Variants in IFT140 observed in about 807,000 individuals in gnomAD.
The protein encoded by IFT140 is intraflagellar transport 140, also known as intraflagellar transport protein 140 homolog.
Under a neutral mutation model 164.6 loss-of-function variants are expected in IFT140, and 133 were observed. The ratio of observed to expected loss-of-function variants is 0.81; its 90% CI spans 0.70 to 0.93. IFT140 has a LOEUF of 0.93. Among genes scored for constraint, IFT140 ranks in the 40% least tolerant of loss-of-function variants. The probability of loss-of-function intolerance (pLI) is 0.00; values close to 1 mark genes in which losing one functional copy is unlikely to be tolerated. For missense variants in IFT140, 2,045 were observed against 1,972.3 expected, an observed-to-expected ratio of 1.04 and a Z score of -0.70; for synonymous variants, 860 against 817.3, an observed-to-expected ratio of 1.05 and a Z score of -0.89.
intron 30 of IFT140, among the ~76,000 whole-genome samples, chr16:1,517,265 G>A (rs565069615): frequency 2.0e-5 from 3 of 151,992 alleles, no homozygotes; most frequent in East Asian, 3.9e-4. Flanking sequence ...CAGGAGAATG[G>A]CGTGAACCCA....
At chr16:1,529,580 G>T (rs560158762) in intron 19 of IFT140, among the ~76,000 whole-genome samples, 1 of 152,220 alleles carries the variant, frequency 6.6e-6, no homozygotes, top group Non-Finnish European at 1.5e-5. Context: ...CACAGGGAGA[G>T]GCCTGAGCAC....
chr16:1,546,052 C>A lies in IFT140; in HGVS notation c.2399+11883G>T, dbSNP rs905066899. Among the ~76,000 whole-genome samples, 4 of 152,252 alleles carry A rather than the reference C, an allele frequency of 2.6e-5. No individual in the cohort carries two copies. In the South Asian group the frequency reaches 8.3e-4, roughly 32 times the overall value. ...AGCTTCTCCCCTCTCCTCCTCGTGG[C>A]CTCTTTTCTCTGCACTGCACCTCTG... On this transcript the variant is annotated intron_variant, in intron 19 of 30. Transcript: ENST00000426508.
chr16:1,519,414 T>C (rs2040454143), intron 29 of IFT140, among the ~76,000 whole-genome samples: 1 of 152,174 alleles, frequency 6.6e-6, no homozygotes, highest in Non-Finnish European at 1.5e-5. Context: ...TGGCCTCTCC[T>C]GAAAACCGAG....
At chr16:1,606,513 C>T (rs530403524) in intron 3 of IFT140, among the ~76,000 whole-genome samples, 5 of 152,266 alleles carry the variant, frequency 3.3e-5, no homozygotes, top group South Asian at 2.1e-4. Flanking sequence ...CAGGCTGGAG[C>T]GCAATGGCGT....
intron 4 of IFT140, among the ~76,000 whole-genome samples, chr16:1,594,660 C>T (rs2035358946): frequency 6.6e-6 from 1 of 152,250 alleles, no homozygotes; most frequent in African/African-American, 2.4e-5. Flanking sequence ...ACAGTCGCAA[C>T]TGCGCGGCAC....
In IFT140 at chr16:1,553,568, G is replaced by C; in HGVS notation, c.2399+4367C>G. On this transcript the variant is annotated intron_variant, in intron 19 of 30. Coordinates refer to ENST00000426508, the MANE Select transcript of IFT140 (RefSeq NM_014714.4). The surrounding 1 kb of genome is among the most constrained non-coding windows in gnomAD (Gnocchi z 4.4). ...AAGAGGGGCTGGAGAGTTTAATCTG[G>C]ACCAGTGTAAGTTACAGAGAGTCTC... The C allele has an allele frequency of 9.9e-7, 1 of 1,011,432 alleles. No individual in the cohort carries two copies. Among genetic ancestry groups the C allele is most frequent in the Non-Finnish European group, 1.2e-6 (1 of 844,498 alleles). 62.7% of individuals were successfully genotyped at this position (1,011,432 alleles called of 1,614,324 possible).
In IFT140 at chr16:1,526,072, G is replaced by C. The variant is rs576060920; in HGVS notation, c.2583C>G (p.Asp861Glu). ...VLATQLGMLE[D>E]AEQLYRKCKR... Reference sequence around the variant, plus strand: ...TGCACTTCCTGTACAGCTGCTCGGCGTCCTCCTGAGGAATGAGGATGGGCA... The same window carrying C: ...TGCACTTCCTGTACAGCTGCTCGGCCTCCTCCTGAGGAATGAGGATGGGCA... The change falls in exon 21 of 31, where the codon GAC becomes GAG. Residue 861 changes from aspartate to glutamate, a missense_variant. Asp to Glu is a conservative substitution (Grantham distance 45). Coordinates refer to ENST00000426508, the MANE Select transcript of IFT140 (RefSeq NM_014714.4). The C allele has an allele frequency of 6.3e-7, 1 of 1,583,754 alleles. No individual in the cohort carries two copies. Among genetic ancestry groups the C allele is most frequent in the Admixed American group, 1.8e-5 (1 of 55,802 alleles).
In IFT140 at chr16:1,590,200, C is replaced by CAA. The variant is rs559750583; in HGVS notation, c.635-422_635-421dup. On this transcript the variant is annotated intron_variant, in intron 6 of 30. Coordinates refer to ENST00000426508, the MANE Select transcript of IFT140 (RefSeq NM_014714.4). ...TAGGCGACAGAGCAAGACTCTGTCT[C>CAA]AAAAAAAAAAAAAAAAAAAAAATTA... 5.5e-3 allele frequency among the ~76,000 whole-genome samples: 427 copies of CAA among 77,840 alleles called. 4 individuals carry two copies. In the East Asian group the frequency reaches 0.055, roughly 10 times the overall value. 51.1% of individuals were successfully genotyped at this position (77,840 alleles called of 152,430 possible). A position where few individuals can be genotyped will look rare whatever the true frequency, so the allele number is the denominator to read the frequency against.
At chr16:1,611,450 G>A (rs1285820022) in intron 1 of IFT140, among the ~76,000 whole-genome samples, 3 of 148,958 alleles carry the variant, frequency 2.0e-5, no homozygotes, top group Non-Finnish European at 4.4e-5. Context: ...AGCGAGCCGA[G>A]ATCGGGCCAC....
rs1430693229 is a variant in IFT140, at chr16:1,554,972, G to A, written c.2399+2963C>T. The A allele has an allele frequency of 5.0e-6, 8 of 1,613,910 alleles. No individual in the cohort carries two copies. In the South Asian group the frequency reaches 8.8e-5, roughly 18 times the overall value. ...GGGTGATTGTCATCAGCCGCTCCCT[G>A]ACAGCGCGCTTTCGCCGTGGGCTGG... On this transcript the variant is annotated intron_variant, in intron 19 of 30. Transcript: ENST00000426508.
intron 19 of IFT140, among the ~76,000 whole-genome samples, chr16:1,536,519 G>C (rs1485782095): frequency 6.6e-6 from 1 of 152,204 alleles, no homozygotes; most frequent in Non-Finnish European, 1.5e-5. Flanking sequence ...GAGCAGCGAA[G>C]GTTTGTCCAC....
rs577218240 is a variant in IFT140, at chr16:1,513,708, G to C, written c.4183-2558C>G. Among the ~76,000 whole-genome samples, 294 of 148,002 alleles carry C rather than the reference G, an allele frequency of 2.0e-3. 1 individual carries two copies. The highest frequency in any genetic ancestry group is 5.0e-3 in the African/African-American group (200 of 40,076). ...TTCTTTTTTGAGACGGAGTCTTGCT[G>C]TGTCGCCCAGGCTGGAGTGCAGTGG... On this transcript the variant is annotated intron_variant, in intron 30 of 30. Coordinates refer to ENST00000426508, the MANE Select transcript of IFT140 (RefSeq NM_014714.4).
chr16:1,534,467 A>T, intron 19 of IFT140: 1 of 1,611,148 alleles, frequency 6.2e-7, no homozygotes. Context: ...CTGGGGCCAG[A>T]GCCGGCCAGG....
chr16:1,525,434 G>A (rs1011315092), intron 21 of IFT140, 108 bp from the exon 22 acceptor site: 8 of 823,592 alleles, frequency 9.7e-6, no homozygotes, highest in East Asian at 5.1e-5. Flanking sequence ...GGTGGCCCTC[G>A]GGGTGTGTGC....
chr16:1,606,351 A>C (rs1796139765), intron 3 of IFT140, among the ~76,000 whole-genome samples: 1 of 152,232 alleles, frequency 6.6e-6, no homozygotes, highest in Non-Finnish European at 1.5e-5. Context: ...AGGATTCCTA[A>C]ACATGTCCCC....
At chr16:1,527,383 A>T (rs2040740281) in intron 19 of IFT140, among the ~76,000 whole-genome samples, 2 of 152,044 alleles carry the variant, frequency 1.3e-5, no homozygotes, top group Admixed American at 1.3e-4. Context: ...AGGTCTGCCG[A>T]GCAGAGGGCC....
At chr16:1,528,497 A>G (rs2030054086) in intron 19 of IFT140, among the ~76,000 whole-genome samples, 1 of 149,000 alleles carries the variant, frequency 6.7e-6, no homozygotes, top group South Asian at 2.1e-4. Flanking sequence ...GCACTCACAT[A>G]CACACACATG....
intron 4 of IFT140, 40 bp from the exon 5 acceptor site, chr16:1,592,628 G>A (rs781625609): frequency 1.9e-5 from 30 of 1,584,896 alleles, no homozygotes; most frequent in South Asian, 6.8e-5. Flanking sequence ...CAGGTGTCCC[G>A]GCAGAGCGAC....
chr16:1,589,258 C>T (rs2035053452), intron 7 of IFT140, among the ~76,000 whole-genome samples: 1 of 152,150 alleles, frequency 6.6e-6, no homozygotes, highest in African/African-American at 2.4e-5. Context: ...CGGTCGCCTG[C>T]CCGCTGAGTT....
Sources: gnomAD v4.1 joint callset for allele counts (sites outside exome capture counted in the v4.1 genomes callset) on GRCh38, gnomAD v4.1.1 for gene constraint, Gnocchi (gnomAD v3.1) non-coding constraint, MANE v1.5 for transcripts, NCBI Gene and HGNC (gene_info 2026-07-23, HGNC 2026-07-21) for gene names.